The following PTPRT variants were observed in gnomAD, a reference collection of about 807,000 sequenced individuals.
The protein encoded by PTPRT is receptor-type tyrosine-protein phosphatase T.
In PTPRT, 56 loss-of-function variants were observed where a neutral mutation model predicts 176.8. That is an observed-to-expected ratio of 0.32 (90% CI 0.26 to 0.40). The LOEUF (loss-of-function observed/expected upper bound fraction) is 0.40. Ranked by LOEUF, PTPRT falls within the 10% of genes least tolerant of loss-of-function variation. The pLI is 1.00. For synonymous variants in PTPRT, 783 were observed against 739.0 expected (o/e 1.06, Z -0.96); for missense variants, 1,540 against 1,908.2 (o/e 0.81, Z 3.60).
chr20:42,875,322 C>T (rs1003398606), intron 2 of PTPRT, among the ~76,000 whole-genome samples: 4 of 152,178 alleles, frequency 2.6e-5, no homozygotes, highest in Non-Finnish European at 2.9e-5. Flanking sequence ...TCATATCCTC[C>T]GGAATAATTA....
intron 1 of PTPRT, among the ~76,000 whole-genome samples, chr20:42,978,669 C>A (rs186845282): frequency 1.5e-3 from 229 of 152,238 alleles, no homozygotes; most frequent in African/African-American, 5.3e-3. Context: ...TAAAGACCAT[C>A]CTGATAAAAC....
At chr20:42,956,085 T>C (rs933946750) in intron 1 of PTPRT, among the ~76,000 whole-genome samples, 2 of 152,174 alleles carry the variant, frequency 1.3e-5, no homozygotes, top group African/African-American at 2.4e-5. Flanking sequence ...TTAACTCTAT[T>C]GCATGTACAG....
chr20:43,029,061 C>T (rs901260661), intron 1 of PTPRT, among the ~76,000 whole-genome samples: 4 of 152,196 alleles, frequency 2.6e-5, no homozygotes, highest in Non-Finnish European at 5.9e-5. Context: ...TCTCAGCTGC[C>T]TGCCCAGAGG....
At chr20:42,602,070 T>C (rs2145793086) in intron 7 of PTPRT, among the ~76,000 whole-genome samples, 1 of 152,316 alleles carries the variant, frequency 6.6e-6, no homozygotes, top group East Asian at 1.9e-4. Context: ...CGGCTCTGCT[T>C]CTCAATGTCT....
At chr20:42,776,873 A>G (rs895147182) in intron 4 of PTPRT, among the ~76,000 whole-genome samples, 17 of 149,548 alleles carry the variant, frequency 1.1e-4, no homozygotes, top group Middle Eastern at 3.6e-3. Context: ...TATAATATAT[A>G]GATTATAATA....
chr20:42,197,376 C>CAAAAA lies in PTPRT; in HGVS notation c.2491+1859_2491+1863dup, dbSNP rs3086756. On this transcript the variant is annotated intron_variant, in intron 16 of 30. Coordinates refer to ENST00000373187, the MANE Select transcript of PTPRT (RefSeq NM_007050.6). ...CCTGGGTGATAGAGTGAGACTCCAT[C>CAAAAA]AAAAAAAAAAAAAAAAAAAAAAAAA... Among the ~76,000 whole-genome samples the CAAAAA allele has an allele frequency of 4.2e-3, 140 of 33,260 alleles. 7 individuals are homozygous for CAAAAA. The highest frequency in any genetic ancestry group is 0.01 in the African/African-American group (79 of 7,610). 21.8% of individuals were successfully genotyped at this position (33,260 alleles called of 152,430 possible). A position where few individuals can be genotyped will look rare whatever the true frequency, so the allele number is the denominator to read the frequency against.
intron 7 of PTPRT, among the ~76,000 whole-genome samples, chr20:42,588,349 C>A (rs1415101836): frequency 6.6e-6 from 1 of 152,094 alleles, no homozygotes; most frequent in Non-Finnish European, 1.5e-5. Context: ...GAGGCTGAGG[C>A]AGGAGAATCA....
chr20:43,158,162 G>C (rs4812681), intron 1 of PTPRT, among the ~76,000 whole-genome samples: 67,879 of 151,898 alleles, frequency 0.45, 17,082 homozygotes, highest in Non-Finnish European at 0.58. Context: ...GATGTAGTTT[G>C]AAGACAACAC....
chr20:42,826,137 G>A (rs747603748), intron 2 of PTPRT, among the ~76,000 whole-genome samples: 1 of 152,026 alleles, frequency 6.6e-6, no homozygotes, highest in African/African-American at 2.4e-5. Context: ...CTGAGAGGGG[G>A]TAAGTCACCA....
the PTPRT span, among the ~76,000 whole-genome samples, chr20:42,049,869 C>T: frequency 6.6e-6 from 1 of 152,208 alleles, no homozygotes; most frequent in Non-Finnish European, 1.5e-5. Context: ...CAGCATCCCT[C>T]TGCAAGTTGA....
At chr20:42,287,212 T>C (rs1023131785) in intron 12 of PTPRT, among the ~76,000 whole-genome samples, 1 of 151,970 alleles carries the variant, frequency 6.6e-6, no homozygotes, top group African/African-American at 2.4e-5. Context: ...AACTATTATA[T>C]GATCCAGCAA....
At chr20:42,817,971 G>A (rs2077819152) in intron 2 of PTPRT, among the ~76,000 whole-genome samples, 1 of 152,162 alleles carries the variant, frequency 6.6e-6, no homozygotes, top group Admixed American at 6.5e-5. Flanking sequence ...AGGCAGCCCA[G>A]ACAAGTAGGT....
At chr20:42,496,640 CTT>C (rs537023943) in intron 7 of PTPRT, among the ~76,000 whole-genome samples, 179 of 142,112 alleles carry the variant, frequency 1.3e-3, no homozygotes, top group African/African-American at 3.7e-3. Flanking sequence ...CTTTCACCAC[CTT>C]TTTTTTTTTT....
intron 1 of PTPRT, among the ~76,000 whole-genome samples, chr20:43,186,474 A>G (rs1194946839): frequency 6.6e-6 from 1 of 152,198 alleles, no homozygotes; most frequent in East Asian, 1.9e-4. Context: ...TCACGGAGTC[A>G]GGGGAGTATC....
rs55648207 is a variant in PTPRT at position 42,713,008 on chromosome 20, A to C, written c.860-34849T>G. On this transcript the variant is annotated intron_variant, in intron 6 of 30. Transcript: ENST00000373187. ...AATACATCCAAGATACATTAAGTGG[A>C]AAAAAATAAAGCCAAAAGAGTTTTT... Among the ~76,000 whole-genome samples the C allele has an allele frequency of 4.8e-3, 735 of 152,300 alleles. 9 individuals are homozygous for C. The highest frequency in any genetic ancestry group is 0.017 in the African/African-American group (691 of 41,550).
intron 1 of PTPRT, among the ~76,000 whole-genome samples, chr20:42,972,372 GA>G (rs1982696491): frequency 6.6e-6 from 1 of 151,658 alleles, no homozygotes; most frequent in East Asian, 2.0e-4. Flanking sequence ...TCAGAATAAA[GA>G]ATTTGAAGCT....
chr20:43,057,493 GA>G (rs1028165971), intron 1 of PTPRT, among the ~76,000 whole-genome samples: 9 of 151,688 alleles, frequency 5.9e-5, no homozygotes, highest in African/African-American at 2.2e-4. Context: ...TGAAAGGGAA[GA>G]AAAAAACTAA....
chr20:42,461,659 C>T (rs750556529), intron 8 of PTPRT, among the ~76,000 whole-genome samples: 12 of 152,166 alleles, frequency 7.9e-5, no homozygotes, highest in Non-Finnish European at 1.8e-4. Context: ...TCAGATATTG[C>T]CAACTGGTTA....
chr20:42,510,327 A>G (rs967070058), intron 7 of PTPRT, among the ~76,000 whole-genome samples: 2 of 152,104 alleles, frequency 1.3e-5, no homozygotes, highest in Non-Finnish European at 2.9e-5. Flanking sequence ...CTACCTAGGA[A>G]CAAAAGTTTG....
Sources: gnomAD v4.1 joint callset for allele counts (sites outside exome capture counted in the v4.1 genomes callset) on GRCh38, gnomAD v4.1.1 for gene constraint, MANE v1.5 for transcripts, NCBI Gene and HGNC (gene_info 2026-07-23, HGNC 2026-07-21) for gene names.